Variants in STAG1 observed in about 807,000 individuals in gnomAD.
The protein encoded by STAG1 is cohesin subunit SA-1.
STAG1 carries 26 observed loss-of-function variants against 170.9 expected under a neutral mutation model. The ratio of observed to expected loss-of-function variants is 0.15; its 90% CI spans 0.11 to 0.21. The LOEUF (loss-of-function observed/expected upper bound fraction) is 0.21. Ranked by LOEUF, STAG1 falls within the 10% of genes least tolerant of loss-of-function variation. The pLI is 1.00. For synonymous variants in STAG1, 514 were observed against 497.7 expected (o/e 1.03, Z -0.44); for missense variants, 964 against 1,509.5 (o/e 0.64, Z 5.99).
intron 5 of STAG1, among the ~76,000 whole-genome samples, chr3:136,555,802 A>G (rs1323693260): frequency 6.6e-6 from 1 of 152,154 alleles, no homozygotes; most frequent in African/African-American, 2.4e-5. Flanking sequence ...GATGCCTTGA[A>G]TTCTACCAAA....
At chr3:136,717,014 A>G (rs1024688175) in intron 1 of STAG1, among the ~76,000 whole-genome samples, 9 of 152,238 alleles carry the variant, frequency 5.9e-5, no homozygotes, top group African/African-American at 2.2e-4. Flanking sequence ...CAGGGATCAA[A>G]TGGGAATTTA....
intron 21 of STAG1, among the ~76,000 whole-genome samples, chr3:136,412,254 A>G (rs1053127376): frequency 3.3e-5 from 5 of 152,214 alleles, no homozygotes; most frequent in Non-Finnish European, 7.3e-5. Flanking sequence ...GAATAAATGG[A>G]GAAAGGAAAG....
chr3:136,606,543 A>T (rs930127561), intron 3 of STAG1, among the ~76,000 whole-genome samples: 1 of 152,138 alleles, frequency 6.6e-6, no homozygotes, highest in Non-Finnish European at 1.5e-5. Context: ...CATCCAGGAT[A>T]CAATATTACA....
chr3:136,452,461 G>A (rs2088972589), intron 13 of STAG1, among the ~76,000 whole-genome samples: 1 of 151,846 alleles, frequency 6.6e-6, no homozygotes, highest in Non-Finnish European at 1.5e-5. Context: ...CTACTTGGGA[G>A]GCTGAGGCAG....
At position 136,439,056 on chromosome 3, in the gene STAG1, T is replaced by C. The variant is rs2088546654; in HGVS notation, c.1546+4231A>G. 2.0e-5 allele frequency among the ~76,000 whole-genome samples: 3 copies of C among 150,692 alleles called. No individual in the cohort carries two copies. In the South Asian group the frequency reaches 6.3e-4, roughly 32 times the overall value. On this transcript the variant is annotated intron_variant, in intron 15 of 33. Transcript: ENST00000383202. ...ACTAAAAATACAAAAATTAGCCAGG[T>C]GTGGTGGTGAGCGCCTGTAATCCCA...
chr3:136,643,461 G>C (rs898945427), intron 1 of STAG1, among the ~76,000 whole-genome samples: 5 of 152,142 alleles, frequency 3.3e-5, no homozygotes, highest in Admixed American at 2.0e-4. Context: ...AAGACTTGAG[G>C]GACATGCAAG....
intron 1 of STAG1, among the ~76,000 whole-genome samples, chr3:136,655,777 C>T (rs146807683): frequency 4.0e-4 from 60 of 151,286 alleles, no homozygotes; most frequent in African/African-American, 1.3e-3. Context: ...AAAAAAAAAT[C>T]CAGAAAGTAA....
intron 27 of STAG1, among the ~76,000 whole-genome samples, chr3:136,358,824 T>C (rs773180160): frequency 5.3e-5 from 8 of 152,076 alleles, no homozygotes; most frequent in Non-Finnish European, 1.0e-4. Flanking sequence ...TCCTCCTGCT[T>C]TGGGCTCCCA....
intron 29 of STAG1, among the ~76,000 whole-genome samples, chr3:136,345,588 C>T (rs2108263744): frequency 6.6e-6 from 1 of 151,724 alleles, no homozygotes; most frequent in Admixed American, 6.6e-5. Context: ...TATGCCCGGC[C>T]AAGTTTCTAC....
At chr3:136,471,863 G>C (rs1384431738) in intron 12 of STAG1, among the ~76,000 whole-genome samples, 2 of 151,560 alleles carry the variant, frequency 1.3e-5, no homozygotes, top group Non-Finnish European at 2.9e-5. Context: ...TTTGACACAG[G>C]GTCCTGCTAT....
At position 136,447,680 on chromosome 3, in the gene STAG1, C is replaced by T. The variant is rs61235216; in HGVS notation, c.1429-4276G>A. Among the ~76,000 whole-genome samples the T allele has an allele frequency of 7.9e-3, 1,100 of 139,994 alleles. 13 individuals are homozygous for T. Among genetic ancestry groups the T allele is most frequent in the African/African-American group, 0.028 (1,055 of 37,122 alleles). The allele number at this position is 139,994 out of a possible 152,430, so 91.8% of individuals were successfully genotyped here. A position where few individuals can be genotyped will look rare whatever the true frequency, so the allele number is the denominator to read the frequency against. ...GGAGGGCAGTGGTGCGATCTCGGCT[C>T]ACTGCAAGCTCCGCCTCCCGGGTTC... is the stretch of plus-strand genomic sequence containing the variant. On this transcript the variant is annotated intron_variant, in intron 14 of 33. Coordinates refer to ENST00000383202, the MANE Select transcript of STAG1 (RefSeq NM_005862.3).
chr3:136,458,057 G>A (rs1262816874), intron 13 of STAG1, among the ~76,000 whole-genome samples: 1 of 152,182 alleles, frequency 6.6e-6, no homozygotes, highest in African/African-American at 2.4e-5. Context: ...GAGGGGAGCA[G>A]TGTTAAAGTG....
chr3:136,551,208 T>A (rs57215141), intron 5 of STAG1, among the ~76,000 whole-genome samples: 3,141 of 44,182 alleles, frequency 0.071, 124 homozygotes, highest in African/African-American at 0.15. Context: ...TGAGAGAGAG[T>A]GAGAGAGAGA....
Position 136,695,449 on chromosome 3 carries a change from AAG to A in STAG1, c.-84+56744_-84+56745del, listed in dbSNP as rs565436600. 5.8e-4 allele frequency among the ~76,000 whole-genome samples: 88 copies of A among 152,070 alleles called. No homozygotes were observed. The East Asian group carries it at 8.1e-3, about 14-fold the overall frequency. ...GAGACTCTGTCTCAAAAAAAAAAAA[AAG>A]AGAGAGACAGACCGTAATGTTTAAG... On this transcript the variant is annotated intron_variant, in intron 1 of 33. Transcript: ENST00000383202.
chr3:136,526,142 G>A (rs949478421), intron 6 of STAG1, among the ~76,000 whole-genome samples: 5 of 152,116 alleles, frequency 3.3e-5, no homozygotes, highest in Admixed American at 1.3e-4. Flanking sequence ...TTCAATTCCT[G>A]GATATCCTTT....
At chr3:136,345,624 T>C (rs960271716) in intron 29 of STAG1, among the ~76,000 whole-genome samples, 2 of 152,158 alleles carry the variant, frequency 1.3e-5, no homozygotes, top group Non-Finnish European at 2.9e-5. Context: ...ATTATTCTAA[T>C]ATGATAAGGC....
At chr3:136,542,008 TAG>T (rs1368409429) in intron 6 of STAG1, 109 bp downstream of exon 6, 17 of 775,390 alleles carry the variant, frequency 2.2e-5, no homozygotes, top group Non-Finnish European at 3.2e-5. Context: ...AATTAAAAAA[TAG>T]ATTTTCAGTT....
At chr3:136,438,009 C>G (rs977224838) in intron 15 of STAG1, among the ~76,000 whole-genome samples, 1 of 152,172 alleles carries the variant, frequency 6.6e-6, no homozygotes, top group Non-Finnish European at 1.5e-5. Context: ...TCAAAAGCAT[C>G]TTATTACATT....
intron 1 of STAG1, among the ~76,000 whole-genome samples, chr3:136,649,485 CA>C (rs1330329604): frequency 1.0e-4 from 2 of 20,026 alleles, no homozygotes; most frequent in African/African-American, 4.7e-4. Flanking sequence ...TCTCAAAAAA[CA>C]AAAACAAAAA....
Sources: allele counts gnomAD v4.1 joint callset (sites outside exome capture counted in the v4.1 genomes callset), GRCh38; gene constraint gnomAD v4.1.1; transcripts MANE v1.5; gene names NCBI Gene and HGNC (gene_info 2026-07-23, HGNC 2026-07-21).